The following MESP2 variants were observed in gnomAD, a reference collection of about 807,000 sequenced individuals.
The protein encoded by MESP2 is mesoderm posterior bHLH transcription factor 2, also known as mesoderm posterior protein 2.
MESP2 carries 34 observed loss-of-function variants against 37.8 expected under a neutral mutation model. The ratio of observed to expected loss-of-function variants is 0.90; its 90% CI spans 0.68 to 1.20. MESP2 has a LOEUF of 1.20. Among genes scored for constraint, MESP2 ranks in the 50% most tolerant of loss-of-function variants. MESP2 has a pLI of 0.00. For missense variants in MESP2, 646 were observed against 545.3 expected (o/e 1.18, Z -1.84); for synonymous variants, 303 against 251.6 (o/e 1.20, Z -1.93).
chr15:89,777,327 G>A (rs1184320168), intron 1 of MESP2, 46 bp downstream of exon 1: 1 of 1,565,810 alleles, frequency 6.4e-7, no homozygotes, highest in Non-Finnish European at 8.6e-7. Context: ...CCAGTCTGCA[G>A]AGAATCTCGT....
In MESP2 at chr15:89,778,533, AC is replaced by A; in HGVS notation, c.*200del. ...AGTCAGGGCGGGGGCACTGTCCTCC[AC>A]TGCTAGACACCCCCAGAATGCCTGG... On this transcript the variant is annotated 3_prime_UTR_variant, in exon 2 of 2. Coordinates refer to ENST00000341735, the MANE Select transcript of MESP2 (RefSeq NM_001039958.2). 1 of 666,032 alleles carries A rather than the reference AC, an allele frequency of 1.5e-6. No homozygotes were observed. The highest frequency in any genetic ancestry group is 1.8e-5 in the South Asian group (1 of 55,178). The allele number at this position is 666,032 out of a possible 1,614,324, so 41.3% of individuals were successfully genotyped here.
Position 89,776,492 on chromosome 15 carries a change from C to A in MESP2, c.135C>A (p.Cys45Ter). The change falls in exon 1 of 2, where the codon TGC becomes TGA. Residue 45 changes from cysteine to a stop codon, truncating the protein, a stop_gained. Transcript: ENST00000341735. LOFTEE classifies it high-confidence loss of function. ...CCGATTCGTCGGGTTCGTGCCCCTG[C>A]GACGGCGCCCGCGGACTCCCGCAGC... is the stretch of plus-strand genomic sequence containing the variant. ...SSSDSSGSCP[C>*]DGARGLPQPQ... is the part of the protein sequence containing the mutation. 6.5e-7 allele frequency: 1 copy of A among 1,533,502 alleles called. No individual in the cohort carries two copies. The highest frequency in any genetic ancestry group is 8.7e-7 in the Non-Finnish European group (1 of 1,145,808). 95.0% of individuals were successfully genotyped at this position (1,533,502 alleles called of 1,614,324 possible).
chr15:89,777,030 G>C lies in MESP2; in HGVS notation c.673G>C (p.Ala225Pro). 6.3e-7 allele frequency: 1 copy of C among 1,594,758 alleles called. No homozygotes were observed. Among genetic ancestry groups the C allele is most frequent in the South Asian group, 1.1e-5 (1 of 88,792 alleles). ...LAEASWGSPS[A>P]CPGAQAAPER... The stretch of plus-strand genomic sequence containing the variant: ...CGAGGCGTCCTGGGGATCCCCGTCC[G>C]CCTGCCCCGGAGCCCAAGCCGCACC... The change falls in exon 1 of 2, where the codon GCC becomes CCC. Residue 225 changes from alanine to proline, a missense_variant. Ala to Pro is a conservative substitution (Grantham distance 27, BLOSUM62 -1). Transcript: ENST00000341735.
At position 89,776,675 on chromosome 15, in the gene MESP2, C is replaced by A; in HGVS notation, c.318C>A (p.Arg106=). The A allele has an allele frequency of 6.5e-7, 1 of 1,547,808 alleles. No individual in the cohort carries two copies. Among genetic ancestry groups the A allele is most frequent in the East Asian group, 2.5e-5 (1 of 39,752 alleles). ...CCCGCGCCCTGCACGAGTTGCGCCG[C>A]TTTCTGCCTCCCTCCTTGGCGCCGG... ...TLARALHELR[R]FLPPSLAPAG... is the part of the protein sequence containing the mutation. Residue 106 remains arginine, a synonymous_variant, in exon 1 of 2, where the codon CGC becomes CGA. Transcript: ENST00000341735.
intron 1 of MESP2, 141 bp from the exon 2 acceptor site, chr15:89,777,924 C>T: frequency 8.6e-7 from 1 of 1,168,834 alleles, no homozygotes; most frequent in Non-Finnish European, 1.3e-6. Flanking sequence ...AGCCAGTCCT[C>T]TTAACCACTT....
At position 89,778,643 on chromosome 15, in the gene MESP2, T is replaced by C. The variant is rs561709608; in HGVS notation, c.*309T>C. 3 of 434,030 alleles carry C rather than the reference T, an allele frequency of 6.9e-6. No individual in the cohort carries two copies. The South Asian group carries it at 7.1e-5, about 10-fold the overall frequency. 26.9% of individuals were successfully genotyped at this position (434,030 alleles called of 1,614,324 possible). ...AGCTGGGCAGGGACAGGTGGGAGAA[T>C]GGGTGTAGGAGGCAGGCCCCAGGCT... On this transcript the variant is annotated 3_prime_UTR_variant, in exon 2 of 2. Transcript: ENST00000341735.
intron 1 of MESP2, 82 bp downstream of exon 1, chr15:89,777,363 T>C (rs1384766546): frequency 7.1e-7 from 1 of 1,408,016 alleles, no homozygotes; most frequent in Non-Finnish European, 9.5e-7. Context: ...GCTTATCTAC[T>C]CCAGGATTAT....
intron 1 of MESP2, among the ~76,000 whole-genome samples, chr15:89,777,485 A>G (rs1023509515): frequency 8.5e-5 from 13 of 152,212 alleles, no homozygotes; most frequent in African/African-American, 3.1e-4. Context: ...CAGCCATGGG[A>G]AAGAGGGGGA....
At chr15:89,777,721 C>T (rs1044384614) in intron 1 of MESP2, among the ~76,000 whole-genome samples, 2 of 152,166 alleles carry the variant, frequency 1.3e-5, no homozygotes, top group African/African-American at 2.4e-5. Context: ...ATTTGTTGAA[C>T]ACTTTCTATG....
Position 89,776,862 on chromosome 15 carries a change from G to A in MESP2, c.505G>A (p.Gly169Ser). 1 of 1,458,992 alleles carries A rather than the reference G, an allele frequency of 6.9e-7. No homozygotes were observed. The highest frequency in any genetic ancestry group is 1.4e-5 in the South Asian group (1 of 69,714). The allele number at this position is 1,458,992 out of a possible 1,614,324, so 90.4% of individuals were successfully genotyped here. ...PWGCPLCPDR[G>S]PAEAQTQAEG... ...GGGCTGCCCGCTGTGCCCCGACCGT[G>A]GCCCCGCAGAGGCGCAGACGCAGGC... The change falls in exon 1 of 2, where the codon GGC (glycine) becomes AGC (serine). Residue 169 changes from glycine (G) to serine (S), a missense_variant. Gly to Ser is a moderately conservative substitution (Grantham distance 56). Transcript: ENST00000341735.
Position 89,776,820 on chromosome 15 carries a change from G to T in MESP2, c.463G>T (p.Asp155Tyr). 1 of 1,465,528 alleles carries T rather than the reference G, an allele frequency of 6.8e-7. No individual in the cohort carries two copies. 90.8% of individuals were successfully genotyped at this position (1,465,528 alleles called of 1,614,324 possible). A position where few individuals can be genotyped will look rare whatever the true frequency, so the allele number is the denominator to read the frequency against. The part of the protein sequence containing the change: ...SLQCRRRQRG[D>Y]AGSPWGCPLC... The stretch of plus-strand genomic sequence containing the variant: ...GCAGTGCCGGCGCAGGCAGCGCGGG[G>T]ACGCGGGGTCCCCTTGGGGCTGCCC... Residue 155 changes from aspartate (D) to tyrosine (Y), a missense_variant, in exon 1 of 2, where the codon GAC becomes TAC. Asp to Tyr is a radical substitution (Grantham distance 160, BLOSUM62 -3). Coordinates refer to ENST00000341735, the MANE Select transcript of MESP2 (RefSeq NM_001039958.2).
Position 89,776,702 on chromosome 15 carries a change from C to A in MESP2, c.345C>A (p.Ala115=), listed in dbSNP as rs758214625. The stretch of plus-strand genomic sequence containing the variant: ...TTCTGCCTCCCTCCTTGGCGCCGGC[C>A]GGCCAGAGCCTGACCAAGATCGAGA... ...RRFLPPSLAP[A]GQSLTKIETL... The change falls in exon 1 of 2, where the codon GCC becomes GCA. Residue 115 remains alanine (A), a synonymous_variant. Transcript: ENST00000341735. 1.6e-5 allele frequency: 25 copies of A among 1,560,478 alleles called. No homozygotes were observed. Among genetic ancestry groups the A allele is most frequent in the Non-Finnish European group, 2.0e-5 (23 of 1,159,692 alleles).
Position 89,776,833 on chromosome 15 carries a change from CT to C in MESP2, c.478del (p.Trp160GlyfsTer321). 1.4e-6 allele frequency: 2 copies of C among 1,468,160 alleles called. No individual in the cohort carries two copies. Among genetic ancestry groups the C allele is most frequent in the Non-Finnish European group, 1.8e-6 (2 of 1,118,134 alleles). 90.9% of individuals were successfully genotyped at this position (1,468,160 alleles called of 1,614,324 possible). A position where few individuals can be genotyped will look rare whatever the true frequency, so the allele number is the denominator to read the frequency against. Reference protein sequence around the residue: ...RRRQRGDAGSPWGCPLCPDRG... With the variant: ...RRRQRGDAGSXWGCPLCPDRG... ...AGGCAGCGCGGGGACGCGGGGTCCC[CT>C]TGGGGCTGCCCGCTGTGCCCCGACC... is the stretch of plus-strand genomic sequence containing the variant. On this transcript the variant is annotated frameshift_variant, in exon 1 of 2. Transcript: ENST00000341735. LOFTEE classifies it high-confidence loss of function.
Position 89,776,825 on chromosome 15 carries a change from G to T in MESP2, c.468G>T (p.Ala156=). The T allele has an allele frequency of 6.8e-7, 1 of 1,463,402 alleles. No homozygotes were observed. The allele number at this position is 1,463,402 out of a possible 1,614,324, so 90.7% of individuals were successfully genotyped here. The change falls in exon 1 of 2, where the codon GCG becomes GCT. Residue 156 remains alanine, a synonymous_variant. Transcript: ENST00000341735. ...LQCRRRQRGD[A]GSPWGCPLCP... ...GCCGGCGCAGGCAGCGCGGGGACGC[G>T]GGGTCCCCTTGGGGCTGCCCGCTGT...
rs1345355861 is a variant in MESP2 at position 89,776,569 on chromosome 15, C to A, written c.212C>A (p.Pro71His). 1.3e-6 allele frequency: 2 copies of A among 1,532,496 alleles called. No homozygotes were observed. Among genetic ancestry groups the A allele is most frequent in the Non-Finnish European group, 1.7e-6 (2 of 1,145,340 alleles). 94.9% of individuals were successfully genotyped at this position (1,532,496 alleles called of 1,614,324 possible). A position where few individuals can be genotyped will look rare whatever the true frequency, so the allele number is the denominator to read the frequency against. ...GCCGCAGAGGCAGCCGCGACGACGC[C>A]CAGACGAGCGCGCACCGGACCAGCG... ...SRAAEAAATTPRRARTGPAGG... is the reference protein window; with the variant it reads ...SRAAEAAATTHRRARTGPAGG... Residue 71 changes from proline to histidine, a missense_variant, in exon 1 of 2, where the codon CCC becomes CAC. Coordinates refer to ENST00000341735, the MANE Select transcript of MESP2 (RefSeq NM_001039958.2).
In MESP2 at chr15:89,778,062, C is replaced by T; in HGVS notation, c.925-3C>T. 2 of 1,613,066 alleles carry T rather than the reference C, an allele frequency of 1.2e-6. No homozygotes were observed. Among genetic ancestry groups the T allele is most frequent in the Non-Finnish European group, 1.7e-6 (2 of 1,180,012 alleles). On this transcript the variant is annotated splice_polypyrimidine_tract_variant and splice_region_variant and intron_variant, in intron 1 of 1. Coordinates refer to ENST00000341735, the MANE Select transcript of MESP2 (RefSeq NM_001039958.2). ...AACCAGGCTGCTCTCATCTCTCTTG[C>T]AGGGTCTCTCTGTGTCTCCAGAGCC...
rs201925785 is a variant in MESP2 at position 89,777,115 on chromosome 15, C to T, written c.758C>T (p.Pro253Leu). Residue 253 changes from proline to leucine, a missense_variant, in exon 1 of 2, where the codon CCC (proline) becomes CTC (leucine). Coordinates refer to ENST00000341735, the MANE Select transcript of MESP2 (RefSeq NM_001039958.2). ...TDPWATPPYC[P>L]KIQSPPYSSQ... ...CCCTGGGCAACACCCCCTTACTGCC[C>T]CAAGATACAGTCGCCCCCGTATTCG... 52 of 1,612,890 alleles carry T rather than the reference C, an allele frequency of 3.2e-5. No homozygotes were observed. The African/African-American group carries it at 6.0e-4, about 19-fold the overall frequency.
chr15:89,776,341 G>C lies in MESP2; in HGVS notation c.-17G>C, dbSNP rs1596154125. Reference sequence around the variant, plus strand: ...TGGAGGTGGCCAACCCAGCCTCCCAGAGCCTGCAGCCCGGCCATGGCCCAG... The same window carrying C: ...TGGAGGTGGCCAACCCAGCCTCCCACAGCCTGCAGCCCGGCCATGGCCCAG... On this transcript the variant is annotated 5_prime_UTR_variant, in exon 1 of 2. Coordinates refer to ENST00000341735, the MANE Select transcript of MESP2 (RefSeq NM_001039958.2). The C allele has an allele frequency of 2.0e-6, 3 of 1,530,702 alleles. No individual in the cohort carries two copies. Among genetic ancestry groups the C allele is most frequent in the East Asian group, 5.0e-5 (2 of 40,390 alleles). 94.8% of individuals were successfully genotyped at this position (1,530,702 alleles called of 1,614,324 possible).
Position 89,778,479 on chromosome 15 carries a change from A to G in MESP2, c.*145A>G. The G allele has an allele frequency of 9.0e-7, 1 of 1,111,260 alleles. No homozygotes were observed. Among genetic ancestry groups the G allele is most frequent in the Non-Finnish European group, 1.3e-6 (1 of 754,894 alleles). The allele number at this position is 1,111,260 out of a possible 1,614,324, so 68.8% of individuals were successfully genotyped here. A position where few individuals can be genotyped will look rare whatever the true frequency, so the allele number is the denominator to read the frequency against. ...TGTCTTTCAGGGAAGCAGTGTTTGAAATAGATAGCGGGTACCTTCCCTGGA... is the reference window on the plus strand; with the variant it reads ...TGTCTTTCAGGGAAGCAGTGTTTGAGATAGATAGCGGGTACCTTCCCTGGA... On this transcript the variant is annotated 3_prime_UTR_variant, in exon 2 of 2. Coordinates refer to ENST00000341735, the MANE Select transcript of MESP2 (RefSeq NM_001039958.2).
Sources: allele counts gnomAD v4.1 joint callset (sites outside exome capture counted in the v4.1 genomes callset), GRCh38; gene constraint gnomAD v4.1.1; transcripts MANE v1.5; gene names NCBI Gene and HGNC (gene_info 2026-07-23, HGNC 2026-07-21).